The following MRTFB variants were observed in gnomAD, a reference collection of about 807,000 sequenced individuals.
The protein encoded by MRTFB is myocardin-related transcription factor B.
A neutral mutation model predicts 104.2 loss-of-function variants in MRTFB; 29 were observed. The observed-to-expected ratio is 0.28, with a 90% CI of 0.21 to 0.38. MRTFB has a LOEUF of 0.38. Ranked by LOEUF, MRTFB falls within the 10% of genes least tolerant of loss-of-function variation. The pLI, the probability that MRTFB is intolerant of heterozygous loss-of-function variation, is 1.00. For synonymous variants in MRTFB, 535 were observed against 519.5 expected (o/e 1.03, Z -0.41); for missense variants, 1,270 against 1,341.6 (o/e 0.95, Z 0.83).
chr16:14,168,908 G>C (rs1434710598), intron 3 of MRTFB, among the ~76,000 whole-genome samples: 1 of 152,142 alleles, frequency 6.6e-6, no homozygotes, highest in African/African-American at 2.4e-5. Flanking sequence ...GGTGTGTGTT[G>C]ATATCTCATT....
chr16:14,214,370 ACTT>A (rs1176904091), intron 6 of MRTFB, among the ~76,000 whole-genome samples: 1 of 152,194 alleles, frequency 6.6e-6, no homozygotes, highest in African/African-American at 2.4e-5. Flanking sequence ...CAATCTGAAA[ACTT>A]CTCAGACATT....
chr16:14,057,488 C>G, the MRTFB span, among the ~76,000 whole-genome samples: 1 of 152,038 alleles, frequency 6.6e-6, no homozygotes, highest in Non-Finnish European at 1.5e-5. Flanking sequence ...TTTCACAGAC[C>G]CTGTGAATTT....
At chr16:14,011,635 C>G in the MRTFB span, among the ~76,000 whole-genome samples, 1 of 152,134 alleles carries the variant, frequency 6.6e-6, no homozygotes, top group African/African-American at 2.4e-5. Context: ...CCTGTAATCC[C>G]AGCACTTTGG....
At chr16:14,159,916 C>T (rs1215811829) in intron 3 of MRTFB, among the ~76,000 whole-genome samples, 4 of 114,964 alleles carry the variant, frequency 3.5e-5, no homozygotes, top group Admixed American at 1.1e-4. Context: ...GGCGACAGAG[C>T]GAGACTCCGT....
the MRTFB span, among the ~76,000 whole-genome samples, chr16:13,997,904 C>T: frequency 8.6e-5 from 13 of 152,002 alleles, no homozygotes; most frequent in East Asian, 2.3e-3. Flanking sequence ...AAGCATGATG[C>T]TTGCCTCATG....
At position 14,252,587 on chromosome 16, in the gene MRTFB, G is replaced by C. The variant is rs2043302812; in HGVS notation, c.2703+85G>C. 5 of 1,425,228 alleles carry C rather than the reference G, an allele frequency of 3.5e-6. No homozygotes were observed. The South Asian group carries it at 8.3e-5, about 24-fold the overall frequency. 88.3% of individuals were successfully genotyped at this position (1,425,228 alleles called of 1,614,324 possible). Reference sequence around the variant, plus strand: ...CGAGCAGACCTATACAGAATCCCTTGTCTGAAACTGACTTGCCTCAATAGA... The same window carrying C: ...CGAGCAGACCTATACAGAATCCCTTCTCTGAAACTGACTTGCCTCAATAGA... On this transcript the variant is annotated intron_variant, in intron 15 of 16. Coordinates refer to ENST00000571589, the MANE Select transcript of MRTFB (RefSeq NM_001308142.2).
At chr16:14,104,832 G>A (rs28726971) in intron 2 of MRTFB, among the ~76,000 whole-genome samples, 1,702 of 152,256 alleles carry the variant, frequency 0.011, 33 homozygotes, top group African/African-American at 0.038. Flanking sequence ...CTCCCAATTC[G>A]GATGTTTGAT....
the MRTFB span, among the ~76,000 whole-genome samples, chr16:14,020,099 C>T: frequency 6.6e-6 from 1 of 152,126 alleles, no homozygotes; most frequent in Non-Finnish European, 1.5e-5. Context: ...AATCCTCATT[C>T]TGGCCAAACT....
intron 2 of MRTFB, among the ~76,000 whole-genome samples, chr16:14,084,057 T>C (rs999446063): frequency 2.0e-5 from 3 of 152,234 alleles, no homozygotes; most frequent in Admixed American, 6.5e-5. Context: ...GAAATACTCT[T>C]GGACTTTAAA....
the MRTFB span, among the ~76,000 whole-genome samples, chr16:14,015,527 C>T: frequency 6.6e-6 from 1 of 152,156 alleles, no homozygotes; most frequent in African/African-American, 2.4e-5. Flanking sequence ...CAGGAAATAC[C>T]TGCAGCCGTA....
chr16:14,218,272 G>T (rs2041515601), intron 7 of MRTFB, among the ~76,000 whole-genome samples: 1 of 151,994 alleles, frequency 6.6e-6, no homozygotes, highest in Admixed American at 6.5e-5. Flanking sequence ...CGCTAGCCAG[G>T]ATGGTCTCGA....
chr16:14,030,002 G>T, the MRTFB span, among the ~76,000 whole-genome samples: 1 of 151,924 alleles, frequency 6.6e-6, no homozygotes, highest in Admixed American at 6.6e-5. Flanking sequence ...GGCATGGGGA[G>T]GGGGGAGGGG....
chr16:14,130,031 A>G (rs956151698), intron 2 of MRTFB, among the ~76,000 whole-genome samples: 23 of 152,176 alleles, frequency 1.5e-4, no homozygotes, highest in Admixed American at 9.8e-4. Context: ...GGATTTTGCT[A>G]TGTTCACTAG....
intron 3 of MRTFB, among the ~76,000 whole-genome samples, chr16:14,146,965 TAGCCAAGACAG>T (rs554874295): frequency 1.7e-3 from 254 of 152,328 alleles, no homozygotes; most frequent in Non-Finnish European, 2.7e-3. Context: ...AGATGCTCAA[TAGCCAAGACAG>T]AGCTGTGGAA....
intron 3 of MRTFB, among the ~76,000 whole-genome samples, chr16:14,205,009 A>G (rs1597243326): frequency 6.6e-6 from 1 of 152,188 alleles, no homozygotes; most frequent in East Asian, 1.9e-4. Flanking sequence ...TGCCATATCC[A>G]CCTAACAGAG....
chr16:14,247,491 G>A lies in MRTFB; in HGVS notation c.2231G>A (p.Gly744Asp). Residue 744 changes from glycine (G) to aspartate (D), a missense_variant, in exon 12 of 17, where the codon GGC (glycine) becomes GAC (aspartate). Gly to Asp is a moderately conservative substitution (Grantham distance 94). Coordinates refer to ENST00000571589, the MANE Select transcript of MRTFB (RefSeq NM_001308142.2). ...SSVTSVQLPV[G>D]SLKLQTSPQA... ...GTCACCTCAGTGCAACTCCCTGTAG[G>A]CAGCCTCAAACTCCAGGTGTGAAGT... 6.4e-7 allele frequency: 1 copy of A among 1,561,360 alleles called. No individual in the cohort carries two copies. The highest frequency in any genetic ancestry group is 1.7e-4 in the Middle Eastern group (1 of 5,996).
chr16:14,215,510 A>G (rs970853333), intron 6 of MRTFB, among the ~76,000 whole-genome samples: 2 of 152,200 alleles, frequency 1.3e-5, no homozygotes, highest in Non-Finnish European at 2.9e-5. Context: ...CTACTTACTT[A>G]CTTACTTGGG....
At chr16:14,220,260 G>T (rs2041627091) in intron 8 of MRTFB, among the ~76,000 whole-genome samples, 1 of 152,164 alleles carries the variant, frequency 6.6e-6, no homozygotes, top group African/African-American at 2.4e-5. Context: ...TCAGTAAAAA[G>T]AATGTCAAGT....
intron 3 of MRTFB, among the ~76,000 whole-genome samples, chr16:14,196,815 C>T (rs1426901349): frequency 6.6e-6 from 1 of 152,134 alleles, no homozygotes; most frequent in Non-Finnish European, 1.5e-5. Flanking sequence ...TATTTCTGGC[C>T]TGTTTGCATT....
Sources: gnomAD v4.1 joint callset for allele counts (sites outside exome capture counted in the v4.1 genomes callset) on GRCh38, gnomAD v4.1.1 for gene constraint, MANE v1.5 for transcripts, NCBI Gene and HGNC (gene_info 2026-07-23, HGNC 2026-07-21) for gene names.